Variants in SEPTIN14 observed in about 807,000 individuals in gnomAD.
SEPTIN14 encodes septin 14, also known as septin-14.
In SEPTIN14, 40 loss-of-function variants were observed where a neutral mutation model predicts 53.6. The observed-to-expected ratio is 0.75, with a 90% CI of 0.58 to 0.97. The LOEUF (loss-of-function observed/expected upper bound fraction) is 0.97, where lower values mean the gene tolerates loss of function less well. SEPTIN14 is among the 50% of genes least tolerant of loss of function. The pLI, the probability that SEPTIN14 is intolerant of heterozygous loss-of-function variation, is 0.00. For synonymous variants in SEPTIN14, 138 were observed against 166.8 expected, an observed-to-expected ratio of 0.83 and a Z score of 1.33; for missense variants, 471 against 508.2, an observed-to-expected ratio of 0.93 and a Z score of 0.70.
chr7:55,820,431 T>C (rs1487764396), intron 6 of SEPTIN14, among the ~76,000 whole-genome samples: 2 of 152,236 alleles, frequency 1.3e-5, no homozygotes, highest in African/African-American at 4.8e-5. Context: ...TTAACAGTTA[T>C]CAGTTACAGT....
At chr7:55,797,738 G>A (rs1357439877) in intron 9 of SEPTIN14, among the ~76,000 whole-genome samples, 2 of 152,186 alleles carry the variant, frequency 1.3e-5, no homozygotes, top group Non-Finnish European at 2.9e-5. Context: ...GGAGGCCGAG[G>A]TGGGTGGATC....
rs1034552678 is a variant in SEPTIN14, at chr7:55,795,462, CTTTT to C, written c.*447_*450del. 9.3e-5 allele frequency: 11 copies of C among 117,928 alleles called. No individual in the cohort carries two copies. The highest frequency in any genetic ancestry group is 2.6e-4 in the East Asian group (1 of 3,872). 7.3% of individuals were successfully genotyped at this position (117,928 alleles called of 1,614,324 possible). Reference sequence around the variant, plus strand: ...AGGATCTGCCTTCTGGGAGTTCATACTTTTTTTTTTTTTTTTTTTTTTGAGGCGG... The same window carrying C: ...AGGATCTGCCTTCTGGGAGTTCATACTTTTTTTTTTTTTTTTTTGAGGCGG... On this transcript the variant is annotated 3_prime_UTR_variant, in exon 10 of 10. Coordinates refer to ENST00000388975, the MANE Select transcript of SEPTIN14 (RefSeq NM_207366.3).
intron 6 of SEPTIN14, among the ~76,000 whole-genome samples, chr7:55,824,282 A>C (rs1358511275): frequency 6.6e-6 from 1 of 152,164 alleles, no homozygotes; most frequent in Non-Finnish European, 1.5e-5. Context: ...GAACTCTTAA[A>C]ACCCAACAAA....
intron 5 of SEPTIN14, among the ~76,000 whole-genome samples, chr7:55,838,506 TTCCC>T (rs1252375745): frequency 2.2e-4 from 32 of 142,516 alleles, no homozygotes; most frequent in African/African-American, 4.4e-4. Context: ...CTTTTCTTCC[TTCCC>T]TCCCTCCCTC....
chr7:55,801,745 C>T (rs530521267), intron 9 of SEPTIN14, among the ~76,000 whole-genome samples: 1 of 151,580 alleles, frequency 6.6e-6, no homozygotes, highest in Non-Finnish European at 1.5e-5. Flanking sequence ...CATAGTGAGA[C>T]CCCATCTCTA....
At chr7:55,800,700 TG>T (rs1194050049) in intron 9 of SEPTIN14, among the ~76,000 whole-genome samples, 2 of 150,226 alleles carry the variant, frequency 1.3e-5, no homozygotes, top group South Asian at 4.2e-4. Context: ...GTGGTAGGGG[TG>T]GGGGGAAGTG....
At chr7:55,860,179 CAA>C (rs36100326) in intron 2 of SEPTIN14, among the ~76,000 whole-genome samples, 6 of 115,544 alleles carry the variant, frequency 5.2e-5, no homozygotes, top group Non-Finnish European at 5.4e-5. Context: ...AACTCCATCT[CAA>C]AAAAAAAAAA....
chr7:55,826,799 GA>G (rs201714281), intron 6 of SEPTIN14, among the ~76,000 whole-genome samples: 9,710 of 130,600 alleles, frequency 0.074, 562 homozygotes, highest in East Asian at 0.25. Flanking sequence ...CACTGTCCCA[GA>G]AAAAAAAAAA....
rs186015392 is a variant in SEPTIN14, at chr7:55,861,268, C to T, written c.54+675G>A. On this transcript the variant is annotated intron_variant, in intron 2 of 9. Coordinates refer to ENST00000388975, the MANE Select transcript of SEPTIN14 (RefSeq NM_207366.3). The stretch of plus-strand genomic sequence containing the variant: ...ATCCCAATACTTTGGGAGACTGAGG[C>T]GGGTAGATCACCTGAGGTCAGGAGT... Among the ~76,000 whole-genome samples the T allele has an allele frequency of 3.4e-4, 52 of 152,174 alleles. 1 individual carries two copies. The highest frequency in any genetic ancestry group is 1.6e-3 in the Admixed American group (24 of 15,258).
intron 5 of SEPTIN14, among the ~76,000 whole-genome samples, chr7:55,842,018 G>A (rs958748996): frequency 6.6e-6 from 1 of 152,098 alleles, no homozygotes; most frequent in South Asian, 2.1e-4. Flanking sequence ...CTGGGAGACA[G>A]TAAGACTCCA....
chr7:55,844,458 G>A (rs1448556868), intron 4 of SEPTIN14, 65 bp downstream of exon 4: 4 of 835,418 alleles, frequency 4.8e-6, no homozygotes, highest in Non-Finnish European at 7.2e-6. Flanking sequence ...ATTAGTCTAT[G>A]GCAAAGGAAG....
At chr7:55,820,151 C>A (rs1203629425) in intron 6 of SEPTIN14, among the ~76,000 whole-genome samples, 1 of 152,124 alleles carries the variant, frequency 6.6e-6, no homozygotes, top group African/African-American at 2.4e-5. Flanking sequence ...AGGTGCCTGC[C>A]ACCATGCCTG....
At chr7:55,820,634 T>C (rs572331813) in intron 6 of SEPTIN14, among the ~76,000 whole-genome samples, 1 of 152,272 alleles carries the variant, frequency 6.6e-6, no homozygotes, top group Admixed American at 6.5e-5. Context: ...TAAATCTGTA[T>C]ACTTTCAAAA....
At chr7:55,861,799 A>G in intron 2 of SEPTIN14, 144 bp downstream of exon 2, 1 of 503,806 alleles carries the variant, frequency 2.0e-6, no homozygotes, top group Non-Finnish European at 3.4e-6. Flanking sequence ...AACTCCAATT[A>G]GTATAAAAGC....
chr7:55,803,130 G>T (rs1316672094), intron 9 of SEPTIN14, among the ~76,000 whole-genome samples: 1 of 152,048 alleles, frequency 6.6e-6, no homozygotes, highest in African/African-American at 2.4e-5. Flanking sequence ...TAGAGACAAG[G>T]TTTCACCATG....
At chr7:55,830,347 A>ATTT (rs1283196897) in intron 6 of SEPTIN14, among the ~76,000 whole-genome samples, 586 of 50,300 alleles carry the variant, frequency 0.012, 13 homozygotes, top group Non-Finnish European at 0.013. Flanking sequence ...ATATATATAT[A>ATTT]TATTTTTTTT....
chr7:55,858,689 A>G (rs1789691284), intron 2 of SEPTIN14, among the ~76,000 whole-genome samples: 2 of 152,198 alleles, frequency 1.3e-5, no homozygotes, highest in Non-Finnish European at 2.9e-5. Flanking sequence ...CTATAATCCC[A>G]GCTACTCAGG....
At chr7:55,821,657 C>A (rs1788898671) in intron 6 of SEPTIN14, among the ~76,000 whole-genome samples, 1 of 152,098 alleles carries the variant, frequency 6.6e-6, no homozygotes, top group African/African-American at 2.4e-5. Context: ...TCCCTCCTTA[C>A]CTATTCTTCT....
intron 2 of SEPTIN14, among the ~76,000 whole-genome samples, chr7:55,855,529 G>T (rs560113552): frequency 1.3e-5 from 2 of 152,156 alleles, no homozygotes; most frequent in Non-Finnish European, 2.9e-5. Context: ...GCCATAAAGA[G>T]GAATCATCTG....
Sources: gnomAD v4.1 joint callset for allele counts (sites outside exome capture counted in the v4.1 genomes callset) on GRCh38, gnomAD v4.1.1 for gene constraint, MANE v1.5 for transcripts, NCBI Gene and HGNC (gene_info 2026-07-23, HGNC 2026-07-21) for gene names.